Variants in DTNB observed in about 807,000 individuals in gnomAD.
The protein encoded by DTNB is dystrobrevin beta.
In DTNB, 63 loss-of-function variants were observed where a neutral mutation model predicts 90.7. The observed-to-expected ratio is 0.69, with a 90% CI of 0.57 to 0.86. The LOEUF is 0.86. Among genes scored for constraint, DTNB ranks in the 40% least tolerant of loss-of-function variants. The pLI is 0.00. For synonymous variants in DTNB, 277 were observed against 286.7 expected, an observed-to-expected ratio of 0.97 and a Z score of 0.34; for missense variants, 744 against 807.1, an observed-to-expected ratio of 0.92 and a Z score of 0.95.
At chr2:25,471,576 C>T (rs1298238472) in intron 10 of DTNB, among the ~76,000 whole-genome samples, 9 of 151,842 alleles carry the variant, frequency 5.9e-5, no homozygotes, top group Admixed American at 4.6e-4. Flanking sequence ...TTGTATTTTT[C>T]GTTGAGACAG....
intron 10 of DTNB, among the ~76,000 whole-genome samples, chr2:25,477,858 T>A (rs1278970819): frequency 6.6e-6 from 1 of 152,174 alleles, no homozygotes; most frequent in African/African-American, 2.4e-5. Context: ...AGCGTTCTAA[T>A]TCCTAGGGTT....
chr2:25,561,387 C>T (rs563440047), intron 8 of DTNB, among the ~76,000 whole-genome samples: 1 of 152,348 alleles, frequency 6.6e-6, no homozygotes, highest in African/African-American at 2.4e-5. Flanking sequence ...GAATTCACAA[C>T]TACCAACCTC....
intron 7 of DTNB, among the ~76,000 whole-genome samples, chr2:25,578,960 T>C (rs1039462105): frequency 1.3e-5 from 2 of 152,148 alleles, no homozygotes; most frequent in African/African-American, 2.4e-5. Context: ...ATAGGTAACA[T>C]ATTTTATTTC....
At chr2:25,602,560 C>T (rs1443854924) in intron 5 of DTNB, among the ~76,000 whole-genome samples, 2 of 152,262 alleles carry the variant, frequency 1.3e-5, no homozygotes, top group East Asian at 3.9e-4. Flanking sequence ...CAAAGGGAGG[C>T]CCTTCTACAG....
intron 9 of DTNB, among the ~76,000 whole-genome samples, chr2:25,495,757 A>C (rs1011239408): frequency 1.1e-4 from 16 of 152,246 alleles, no homozygotes; most frequent in African/African-American, 3.9e-4. Context: ...CCTTTTGGAA[A>C]ACCATGATGT....
chr2:25,459,085 A>G (rs2060520772), intron 10 of DTNB, among the ~76,000 whole-genome samples: 2 of 150,566 alleles, frequency 1.3e-5, no homozygotes, highest in Non-Finnish European at 3.0e-5. Flanking sequence ...ACTGATTTTC[A>G]GCAATTTGAT....
intron 12 of DTNB, among the ~76,000 whole-genome samples, chr2:25,448,929 A>C (rs973366283): frequency 6.6e-6 from 1 of 151,712 alleles, no homozygotes; most frequent in South Asian, 2.1e-4. Flanking sequence ...CCACACCCCT[A>C]TTGAAATGTG....
intron 15 of DTNB, 93 bp from the exon 16 acceptor site, chr2:25,419,628 T>C: frequency 8.0e-6 from 12 of 1,493,160 alleles, no homozygotes; most frequent in South Asian, 2.5e-5. Flanking sequence ...TGGTCAGAAA[T>C]GATAGAAAAA....
At chr2:25,671,716 C>T (rs917165032) in intron 1 of DTNB, among the ~76,000 whole-genome samples, 4 of 152,212 alleles carry the variant, frequency 2.6e-5, no homozygotes, top group Admixed American at 2.6e-4. Flanking sequence ...GACTGCACAA[C>T]CCCTTTCAAA....
chr2:25,384,300 TA>T (rs59281267), intron 18 of DTNB, among the ~76,000 whole-genome samples: 155 of 147,510 alleles, frequency 1.1e-3, no homozygotes, highest in East Asian at 2.5e-3. Context: ...GGGGTTCTGT[TA>T]AAAAAAAAAA....
At chr2:25,429,226 A>G (rs960367115) in intron 14 of DTNB, among the ~76,000 whole-genome samples, 1 of 152,240 alleles carries the variant, frequency 6.6e-6, no homozygotes, top group African/African-American at 2.4e-5. Flanking sequence ...TATTTTGAAA[A>G]TATCAGGTTA....
intron 10 of DTNB, among the ~76,000 whole-genome samples, chr2:25,458,570 G>C (rs2060426743): frequency 6.6e-6 from 1 of 152,108 alleles, no homozygotes; most frequent in Non-Finnish European, 1.5e-5. Flanking sequence ...CTGGGCTGAA[G>C]CAATCCTCCT....
rs565775170 is a variant in DTNB at position 25,474,934 on chromosome 2, G to A, written c.1079+7862C>T. Among the ~76,000 whole-genome samples the A allele has an allele frequency of 3.9e-4, 60 of 152,266 alleles. No individual in the cohort carries two copies. In the East Asian group the frequency reaches 4.1e-3, roughly 10 times the overall value. On this transcript the variant is annotated intron_variant, in intron 10 of 20. Transcript: ENST00000406818. ...AGTGCCACAAACCATGCCCACATAA[G>A]ATAGCCAACTTAATCAATCAATATG...
chr2:25,464,335 G>T (rs1023708070), intron 10 of DTNB, among the ~76,000 whole-genome samples: 1 of 152,216 alleles, frequency 6.6e-6, no homozygotes, highest in Non-Finnish European at 1.5e-5. Context: ...CACAACCTAA[G>T]TAAGTGCTTA....
Position 25,542,237 on chromosome 2 carries a change from C to T in DTNB, c.877-10640G>A, listed in dbSNP as rs1426585786. On this transcript the variant is annotated intron_variant, in intron 8 of 20. Coordinates refer to ENST00000406818, the MANE Select transcript of DTNB (RefSeq NM_021907.5). ...TCAACCAGTTCTTCTGCCTCAGCCTCACCGTGCCCAGCTTAGATGTTGGGT... is the reference window on the plus strand; with the variant it reads ...TCAACCAGTTCTTCTGCCTCAGCCTTACCGTGCCCAGCTTAGATGTTGGGT... Among the ~76,000 whole-genome samples, 3 of 152,308 alleles carry T rather than the reference C, an allele frequency of 2.0e-5. No individual in the cohort carries two copies. The East Asian group carries it at 5.8e-4, about 29-fold the overall frequency.
intron 1 of DTNB, among the ~76,000 whole-genome samples, chr2:25,657,067 T>C (rs898210108): frequency 7.2e-5 from 11 of 152,182 alleles, no homozygotes; most frequent in African/African-American, 2.7e-4. Flanking sequence ...TGCCAGCTAA[T>C]TGGGAGGCTG....
At chr2:25,385,935 C>T (rs1009621256) in intron 18 of DTNB, 6 of 836,746 alleles carry the variant, frequency 7.2e-6, no homozygotes, top group Non-Finnish European at 8.6e-6. Flanking sequence ...TAGTTAATTC[C>T]CATGGCCCGA....
At chr2:25,459,789 C>T (rs760175630) in intron 10 of DTNB, among the ~76,000 whole-genome samples, 8 of 151,984 alleles carry the variant, frequency 5.3e-5, no homozygotes, top group South Asian at 4.2e-4. Context: ...TCACCGCACC[C>T]GGCCCTGATA....
At chr2:25,414,743 A>T (rs936751776) in intron 16 of DTNB, among the ~76,000 whole-genome samples, 1 of 152,178 alleles carries the variant, frequency 6.6e-6, no homozygotes, top group African/African-American at 2.4e-5. Context: ...ATCATTCAGC[A>T]AATATTTATT....
Sources: gnomAD v4.1 joint callset for allele counts (sites outside exome capture counted in the v4.1 genomes callset) on GRCh38, gnomAD v4.1.1 for gene constraint, MANE v1.5 for transcripts, NCBI Gene and HGNC (gene_info 2026-07-23, HGNC 2026-07-21) for gene names.